Variants in TJP2 observed in about 807,000 individuals in gnomAD.
TJP2 encodes tight junction protein 2, also known as Friedreich ataxia region gene X104 (tight junction protein ZO-2).
A neutral mutation model predicts 133.1 loss-of-function variants in TJP2; 91 were observed. The observed-to-expected ratio is 0.68, with a 90% CI of 0.58 to 0.81. TJP2 has a LOEUF of 0.81. Among genes scored for constraint, TJP2 ranks in the 40% least tolerant of loss-of-function variants. The pLI, the probability that TJP2 is intolerant of heterozygous loss-of-function variation, is 0.00. For synonymous variants in TJP2, 592 were observed against 583.4 expected, an observed-to-expected ratio of 1.01 and a Z score of -0.21; for missense variants, 1,541 against 1,565.6, an observed-to-expected ratio of 0.98 and a Z score of 0.26.
At chr9:69,183,583 A>G (rs972556308) in intron 1 of TJP2, among the ~76,000 whole-genome samples, 2 of 152,086 alleles carry the variant, frequency 1.3e-5, no homozygotes, top group Non-Finnish European at 2.9e-5. Flanking sequence ...TCTTCTGTTG[A>G]TAGGTATTTG....
chr9:69,216,566 T>C, intron 3 of TJP2, 103 bp downstream of exon 3: 1 of 1,272,402 alleles, frequency 7.9e-7, no homozygotes. Flanking sequence ...AAGAAAAAAA[T>C]AACAAACTTT....
chr9:69,225,850 A>G (rs960868721), intron 6 of TJP2, among the ~76,000 whole-genome samples, 172 bp from the exon 7 acceptor site: 2 of 152,232 alleles, frequency 1.3e-5, no homozygotes, highest in Non-Finnish European at 2.9e-5. Context: ...GGATCCAGGC[A>G]TGCAGGATTA....
At chr9:69,163,771 C>T (rs1376210779) in intron 2 of TJP2, among the ~76,000 whole-genome samples, 2 of 152,118 alleles carry the variant, frequency 1.3e-5, no homozygotes, top group African/African-American at 2.4e-5. Flanking sequence ...AGCTGCCATG[C>T]CCAGCTGCAA....
intron 21 of TJP2, among the ~76,000 whole-genome samples, chr9:69,251,777 C>T (rs891350102): frequency 6.6e-6 from 1 of 152,050 alleles, no homozygotes; most frequent in African/African-American, 2.4e-5. Flanking sequence ...ACTTTTTGAG[C>T]TGTTTGAATT....
intron 1 of TJP2, among the ~76,000 whole-genome samples, chr9:69,175,736 A>C (rs540262064): frequency 3.3e-5 from 5 of 152,164 alleles, no homozygotes; most frequent in African/African-American, 1.2e-4. Context: ...GAGCTTCCTC[A>C]TTGTGGGGAG....
chr9:69,224,475 C>T (rs1028422098), intron 5 of TJP2, among the ~76,000 whole-genome samples: 4 of 152,000 alleles, frequency 2.6e-5, no homozygotes, highest in South Asian at 2.1e-4. Flanking sequence ...GTCAGGAGTT[C>T]GAGACTAGCC....
chr9:69,174,347 G>T lies in TJP2; in HGVS notation c.-26G>T, dbSNP rs147729271. The T allele has an allele frequency of 6.4e-7, 1 of 1,551,182 alleles. No individual in the cohort carries two copies. Among genetic ancestry groups the T allele is most frequent in the East Asian group, 2.4e-5 (1 of 40,916 alleles). On this transcript the variant is annotated 5_prime_UTR_variant, in exon 1 of 23. Coordinates refer to ENST00000377245, the MANE Select transcript of TJP2 (RefSeq NM_004817.4). Reference sequence around the variant, plus strand: ...AAGCAGAAGCGGGGTCCGGAGCTGCGCGCCTACGCGGGACCTGTGTCCGAA... The same window carrying T: ...AAGCAGAAGCGGGGTCCGGAGCTGCTCGCCTACGCGGGACCTGTGTCCGAA...
At chr9:69,128,293 A>T (rs74854185) in intron 1 of TJP2, among the ~76,000 whole-genome samples, 2,705 of 75,726 alleles carry the variant, frequency 0.036, 1,007 homozygotes, top group African/African-American at 0.1. Context: ...TGGTAACTCC[A>T]TATTTAATAT....
intron 1 of TJP2, among the ~76,000 whole-genome samples, chr9:69,149,170 G>GA (rs1411483373): frequency 6.6e-6 from 1 of 152,114 alleles, no homozygotes; most frequent in Admixed American, 6.5e-5. Flanking sequence ...TTGTATACAT[G>GA]AAAAAACTCC....
At chr9:69,148,838 CCATTGCCCAGCA>C (rs1823338675) in intron 1 of TJP2, among the ~76,000 whole-genome samples, 1 of 152,122 alleles carries the variant, frequency 6.6e-6, no homozygotes, top group Non-Finnish European at 1.5e-5. Flanking sequence ...GTATATTTGC[CCATTGCCCAGCA>C]CATGGTAGGT....
At chr9:69,141,146 C>T (rs529791840) in intron 1 of TJP2, among the ~76,000 whole-genome samples, 4 of 152,214 alleles carry the variant, frequency 2.6e-5, no homozygotes, top group Admixed American at 1.3e-4. Flanking sequence ...CCACTGCACC[C>T]GGCCTGAAAG....
Position 69,138,689 on chromosome 9 carries a change from G to A in TJP2, c.-130-12962G>A, listed in dbSNP as rs141763502. On this transcript the variant is annotated intron_variant, in intron 1 of 5. Transcript: ENST00000423935. ...TCCCAGCACTTTGGGAGGCCAAGGC[G>A]GGAGGATCACCTGAGGTCGGGAGTT... Among the ~76,000 whole-genome samples, 1,476 of 151,628 alleles carry A rather than the reference G, an allele frequency of 9.7e-3. 31 individuals carry two copies. Among genetic ancestry groups the A allele is most frequent in the African/African-American group, 0.033 (1,354 of 41,300 alleles).
intron 1 of TJP2, among the ~76,000 whole-genome samples, chr9:69,191,524 T>G (rs1279065378): frequency 6.6e-6 from 1 of 152,190 alleles, no homozygotes; most frequent in Non-Finnish European, 1.5e-5. Context: ...GAGGTTCCTT[T>G]GGCTTAGAAG....
At chr9:69,134,612 C>T (rs1186574310) in intron 1 of TJP2, among the ~76,000 whole-genome samples, 2 of 152,120 alleles carry the variant, frequency 1.3e-5, no homozygotes, top group East Asian at 3.9e-4. Context: ...GGCTGAAGTG[C>T]TCCACTCAAG....
chr9:69,221,557 T>G lies in TJP2; in HGVS notation c.952+61T>G, dbSNP rs1404812303. On this transcript the variant is annotated intron_variant, in intron 5 of 22. Coordinates refer to ENST00000377245, the MANE Select transcript of TJP2 (RefSeq NM_004817.4). ...GTGATATGAATAACCTTTGTTTTCT[T>G]AATTTTTTTTTTTCCCCCGAAAGTG... is the stretch of plus-strand genomic sequence containing the variant. 1.9e-6 allele frequency: 3 copies of G among 1,552,316 alleles called. No individual in the cohort carries two copies. In the Admixed American group the frequency reaches 5.8e-5, roughly 30 times the overall value.
At chr9:69,185,595 T>C (rs1289521122) in intron 1 of TJP2, among the ~76,000 whole-genome samples, 1 of 152,238 alleles carries the variant, frequency 6.6e-6, no homozygotes, top group Non-Finnish European at 1.5e-5. Flanking sequence ...GAGTTGCTGC[T>C]TTAATGTATA....
At chr9:69,174,580 G>A in intron 1 of TJP2, 148 bp downstream of exon 1, 1 of 1,021,514 alleles carries the variant, frequency 9.8e-7, no homozygotes, top group Non-Finnish European at 1.5e-6. Context: ...GTGGGACGCA[G>A]GGGAGGGGTA....
chr9:69,134,524 G>A (rs1014852227), intron 1 of TJP2, among the ~76,000 whole-genome samples: 2 of 152,174 alleles, frequency 1.3e-5, no homozygotes, highest in African/African-American at 2.4e-5. Context: ...GCTAGGAGGC[G>A]GATAGTGAAG....
chr9:69,223,731 G>T, intron 5 of TJP2, among the ~76,000 whole-genome samples: 1 of 152,302 alleles, frequency 6.6e-6, no homozygotes, highest in Non-Finnish European at 1.5e-5. Context: ...CTAGGGGCTC[G>T]CCATCCATGA....
Sources: allele counts gnomAD v4.1 joint callset (sites outside exome capture counted in the v4.1 genomes callset), GRCh38; gene constraint gnomAD v4.1.1; transcripts MANE v1.5; gene names NCBI Gene and HGNC (gene_info 2026-07-23, HGNC 2026-07-21).